Variants in PRODH2 observed in about 807,000 individuals in gnomAD.
PRODH2 encodes hydroxyproline dehydrogenase.
In PRODH2, 49 loss-of-function variants were observed where a neutral mutation model predicts 51.9. That is an observed-to-expected ratio of 0.94 (90% CI 0.75 to 1.20). PRODH2 has a LOEUF of 1.20. PRODH2 is among the 50% of genes most tolerant of loss of function. The probability of loss-of-function intolerance (pLI) is 0.00; values close to 1 mark genes in which losing one functional copy is unlikely to be tolerated. For missense variants in PRODH2, 597 were observed against 610.9 expected, an observed-to-expected ratio of 0.98 and a Z score of 0.24; for synonymous variants, 249 against 260.7, an observed-to-expected ratio of 0.96 and a Z score of 0.43.
At chr19:35,807,916 C>G (rs1158712971) in intron 4 of PRODH2, among the ~76,000 whole-genome samples, 2 of 152,058 alleles carry the variant, frequency 1.3e-5, no homozygotes, top group Non-Finnish European at 2.9e-5. Flanking sequence ...CCTAGTACCA[C>G]AGGCACCCAC....
In PRODH2 at chr19:35,812,024, T is replaced by C. The variant is rs764683391; in HGVS notation, c.535A>G (p.Arg179Gly). 1.5e-5 allele frequency: 25 copies of C among 1,614,082 alleles called. No individual in the cohort carries two copies. The African/African-American group carries it at 3.3e-4, about 22-fold the overall frequency. Residue 179 changes from arginine (R) to glycine (G), a missense_variant, in exon 4 of 10, where the codon AGG (arginine) becomes GGG (glycine). Arg to Gly is a moderately radical substitution (Grantham distance 125, BLOSUM62 -2). Coordinates refer to ENST00000653904, the MANE Select transcript of PRODH2 (RefSeq NM_021232.2). ...LCKELASWVR[R>G]PGASLELSPE... ...CTCAGCTCCAAGGAGGCTCCTGGCC[T>C]TCTGACCCACGAGGCTAGCTCCTTC... is the stretch of plus-strand genomic sequence containing the variant.
chr19:35,808,377 C>T (rs1972546207), intron 4 of PRODH2, among the ~76,000 whole-genome samples: 1 of 152,176 alleles, frequency 6.6e-6, no homozygotes, highest in African/African-American at 2.4e-5. Context: ...ATACAGATGA[C>T]ATAGGCCTGG....
chr19:35,812,571 G>T lies in PRODH2; in HGVS notation c.175-15C>A. On this transcript the variant is annotated splice_polypyrimidine_tract_variant and intron_variant, in intron 1 of 9. Transcript: ENST00000653904. Reference sequence around the variant, plus strand: ...CAGGCCTGGAGCTGGGTGACAGGGAGCGAGGGCTCAGCGCCAGGCTATGAG... The same window carrying T: ...CAGGCCTGGAGCTGGGTGACAGGGATCGAGGGCTCAGCGCCAGGCTATGAG... 1 of 1,612,092 alleles carries T rather than the reference G, an allele frequency of 6.2e-7. No homozygotes were observed. The highest frequency in any genetic ancestry group is 1.1e-5 in the South Asian group (1 of 90,874).
chr19:35,801,669 C>T (rs1972431951), intron 9 of PRODH2: 1 of 153,118 alleles, frequency 6.5e-6, no homozygotes. Flanking sequence ...AGCTGGAACC[C>T]AAAAATCTAC....
rs565786036 is a variant in PRODH2, at chr19:35,807,198, C to T, written c.598-77G>A. 270 of 1,320,262 alleles carry T rather than the reference C, an allele frequency of 2.0e-4. No homozygotes were observed. The African/African-American group carries it at 3.5e-3, about 17-fold the overall frequency. 81.8% of individuals were successfully genotyped at this position (1,320,262 alleles called of 1,614,324 possible). On this transcript the variant is annotated intron_variant, in intron 4 of 9. Transcript: ENST00000653904. ...AAAAATGAGCAATATCAGTTAGGTA[C>T]TATTTATTGAGGGGGTTATGAGCCT...
Position 35,801,897 on chromosome 19 carries a change from C to T in PRODH2, c.1198+294G>A, listed in dbSNP as rs1048308789. On this transcript the variant is annotated intron_variant, in intron 9 of 9. Transcript: ENST00000653904. ...CTATGAATTTAGGATAAAGTGATTT[C>T]GTTCTGCTTAGCACCTGGCAGAAGG... The T allele has an allele frequency of 4.8e-5, 18 of 376,508 alleles. No individual in the cohort carries two copies. In the Admixed American group the frequency reaches 5.0e-4, roughly 11 times the overall value. 23.3% of individuals were successfully genotyped at this position (376,508 alleles called of 1,614,324 possible).
At position 35,810,086 on chromosome 19, in the gene PRODH2, G is replaced by A. The variant is rs544630605; in HGVS notation, c.597+1876C>T. Among the ~76,000 whole-genome samples the A allele has an allele frequency of 1.4e-3, 214 of 149,182 alleles. 1 individual carries two copies. Among genetic ancestry groups the A allele is most frequent in the African/African-American group, 5.0e-3 (203 of 40,790 alleles). ...AGTTCAAGACCAGCCTGGCCAACAT[G>A]GTGAAGCCTCATCCCTACTAAAAAT... On this transcript the variant is annotated intron_variant, in intron 4 of 9. Coordinates refer to ENST00000653904, the MANE Select transcript of PRODH2 (RefSeq NM_021232.2).
Position 35,812,137 on chromosome 19 carries a change from G to A in PRODH2, c.507C>T (p.Leu169=). ...CCCCCGTCTTTGCACTCCTTACACA[G>A]AGCCGAGTACTGGTCAGCGCCGTCA... ...LKVTALTSTR[L]CKELASWVRR... Residue 169 remains leucine (L), a synonymous_variant, in exon 3 of 10, where the codon CTC becomes CTT. Transcript: ENST00000653904. 6.2e-7 allele frequency: 1 copy of A among 1,614,072 alleles called. No homozygotes were observed. Among genetic ancestry groups the A allele is most frequent in the Non-Finnish European group, 8.5e-7 (1 of 1,179,984 alleles).
At position 35,812,065 on chromosome 19, in the gene PRODH2, G is replaced by A; in HGVS notation, c.511-17C>T. 6.2e-7 allele frequency: 1 copy of A among 1,614,082 alleles called. No individual in the cohort carries two copies. The highest frequency in any genetic ancestry group is 8.5e-7 in the Non-Finnish European group (1 of 1,179,944). ...TAGCTCCTTCTGAAATGGGGTGGTA[G>A]GCGGGGTGGTGAGGGGAGCCCGATG... On this transcript the variant is annotated splice_polypyrimidine_tract_variant and intron_variant, in intron 3 of 9. Transcript: ENST00000653904.
At chr19:35,810,521 GA>G (rs1258491014) in intron 4 of PRODH2, among the ~76,000 whole-genome samples, 3 of 149,544 alleles carry the variant, frequency 2.0e-5, no homozygotes. Flanking sequence ...GAGGCAAGAA[GA>G]ATTTTTTTTT....
intron 9 of PRODH2, among the ~76,000 whole-genome samples, 174 bp from the exon 10 acceptor site, chr19:35,800,396 T>C (rs1380148038): frequency 6.6e-6 from 1 of 152,102 alleles, no homozygotes. Flanking sequence ...TTATAGGCGC[T>C]TGCCACGACG....
intron 7 of PRODH2, among the ~76,000 whole-genome samples, chr19:35,805,406 AC>A (rs1293873784): frequency 6.6e-6 from 1 of 152,036 alleles, no homozygotes; most frequent in African/African-American, 2.4e-5. Flanking sequence ...AGCTGGGATT[AC>A]CAGTGCAAGC....
At chr19:35,803,957 C>G (rs1972470864) in intron 7 of PRODH2, among the ~76,000 whole-genome samples, 1 of 152,160 alleles carries the variant, frequency 6.6e-6, no homozygotes, top group African/African-American at 2.4e-5. Context: ...GCCCCCCAGA[C>G]CTGTTTTCTA....
chr19:35,806,437 T>C lies in PRODH2; in HGVS notation c.994A>G (p.Ser332Gly), dbSNP rs1376761153. 6.2e-7 allele frequency: 1 copy of C among 1,613,922 alleles called. No homozygotes were observed. Among genetic ancestry groups the C allele is most frequent in the African/African-American group, 1.3e-5 (1 of 74,884 alleles). Residue 332 changes from serine to glycine, a missense_variant, in exon 7 of 10, where the codon AGT becomes GGT. Transcript: ENST00000653904. ...DPTQPDYEAT[S>G]QSYSRCLELM... is the part of the protein sequence containing the mutation. Reference sequence around the variant, plus strand: ...CAGCTGGCCCGGGCCTACCTCTGACTGGTGGCCTCATAGTCAGGCTGAGTG... The same window carrying C: ...CAGCTGGCCCGGGCCTACCTCTGACCGGTGGCCTCATAGTCAGGCTGAGTG...
chr19:35,806,070 GT>G (rs1398602500), intron 7 of PRODH2, among the ~76,000 whole-genome samples: 4 of 112,992 alleles, frequency 3.5e-5, no homozygotes, highest in African/African-American at 7.0e-5. Context: ...TTTTTGTTTT[GT>G]TTTGTTTGTT....
At chr19:35,806,217 C>T (rs1972508881) in intron 7 of PRODH2, among the ~76,000 whole-genome samples, 1 of 152,092 alleles carries the variant, frequency 6.6e-6, no homozygotes, top group Non-Finnish European at 1.5e-5. Context: ...TCCTAAGTGG[C>T]TGGAACCACA....
chr19:35,812,664 C>A lies in PRODH2; in HGVS notation c.142G>T (p.Ala48Ser). The change falls in exon 1 of 10, where the codon GCC becomes TCC. Residue 48 changes from alanine (A) to serine (S), a missense_variant. Transcript: ENST00000653904. ...CCGTGAGTGACGAGTGGGGGCCAGG[C>A]ACACAGCCGGAGAACCAGCAAGGCC... is the stretch of plus-strand genomic sequence containing the variant. ...TRALLVLRLC[A>S]WPPLVTHGLL... is the part of the protein sequence containing the mutation. 1 of 1,597,332 alleles carries A rather than the reference C, an allele frequency of 6.3e-7. No individual in the cohort carries two copies. The highest frequency in any genetic ancestry group is 8.6e-7 in the Non-Finnish European group (1 of 1,169,460).
At position 35,812,097 on chromosome 19, in the gene PRODH2, C is replaced by A. The variant is rs749665416; in HGVS notation, c.510+37G>T. Reference sequence around the variant, plus strand: ...TGGTGAGGGGAGCCCGATGGGCAGCCGCGCCCTCCCCGCACCCCCGTCTTT... The same window carrying A: ...TGGTGAGGGGAGCCCGATGGGCAGCAGCGCCCTCCCCGCACCCCCGTCTTT... On this transcript the variant is annotated intron_variant, in intron 3 of 9. Transcript: ENST00000653904. 3.7e-6 allele frequency: 6 copies of A among 1,613,324 alleles called. No homozygotes were observed. In the African/African-American group the frequency reaches 8.0e-5, roughly 22 times the overall value.
chr19:35,800,077 CCA>C lies in PRODH2; in HGVS notation c.1342_1343del (p.Trp448AlafsTer23). Reference protein sequence around the residue: ...REQELLSQELWRRLLPGCRRI... With the variant: ...REQELLSQELXRRLLPGCRRI... ...TTCGGCATCCTGGCAGCAGCCGCCG[CCA>C]CAGTTCTTGGCTGAGCAGCTCCTGT... On this transcript the variant is annotated frameshift_variant, in exon 10 of 10. Transcript: ENST00000653904. LOFTEE classifies it low-confidence loss of function (END_TRUNC). 1 of 1,612,310 alleles carries C rather than the reference CCA, an allele frequency of 6.2e-7. No homozygotes were observed. The highest frequency in any genetic ancestry group is 1.1e-5 in the South Asian group (1 of 90,652).
Sources: gnomAD v4.1 joint callset for allele counts (sites outside exome capture counted in the v4.1 genomes callset) on GRCh38, gnomAD v4.1.1 for gene constraint, MANE v1.5 for transcripts, NCBI Gene and HGNC (gene_info 2026-07-23, HGNC 2026-07-21) for gene names.